TBC1D30: variants seen among roughly 807,000 people sequenced by gnomAD.
TBC1D30 encodes TBC1 domain family member 30.
In TBC1D30, 31 loss-of-function variants were observed where a neutral mutation model predicts 63.2. That is an observed-to-expected ratio of 0.49 (90% CI 0.37 to 0.66). TBC1D30 has a LOEUF of 0.66. TBC1D30 is among the 30% of genes least tolerant of loss of function. TBC1D30 has a pLI of 0.00. For missense variants in TBC1D30, 810 were observed against 953.6 expected, an observed-to-expected ratio of 0.85 and a Z score of 1.98; for synonymous variants, 307 against 361.5, an observed-to-expected ratio of 0.85 and a Z score of 1.71.
intron 3 of TBC1D30, 104 bp from the exon 4 acceptor site, chr12:64,830,273 A>T: frequency 2.6e-6 from 3 of 1,161,970 alleles, no homozygotes; most frequent in Non-Finnish European, 3.5e-6. Flanking sequence ...TAGCTGGTCT[A>T]GGGACACTTC....
At chr12:64,861,375 C>A (rs939607823) in intron 8 of TBC1D30, among the ~76,000 whole-genome samples, 6 of 152,070 alleles carry the variant, frequency 3.9e-5, no homozygotes, top group African/African-American at 7.2e-5. Context: ...CATTTCAGGC[C>A]ATTTTCTTTC....
chr12:64,822,028 A>G (rs1207628688), upstream of TBC1D30, among the ~76,000 whole-genome samples: 1 of 152,190 alleles, frequency 6.6e-6, no homozygotes, highest in Non-Finnish European at 1.5e-5. Flanking sequence ...CATTTTTAAT[A>G]GATTCTTTTA....
intron 1 of TBC1D30, chr12:64,781,313 G>T: frequency 9.2e-7 from 1 of 1,085,744 alleles, no homozygotes; most frequent in Non-Finnish European, 1.1e-6. Context: ...GCAGGGTCCC[G>T]GGGGCTTCCT....
chr12:64,767,980 C>T, intron 1 of TBC1D30, among the ~76,000 whole-genome samples: 1 of 152,092 alleles, frequency 6.6e-6, no homozygotes, highest in East Asian at 1.9e-4. Context: ...ATTCTGGGTG[C>T]AATACATTGT....
chr12:64,848,595 G>C (rs1289242876), intron 8 of TBC1D30, among the ~76,000 whole-genome samples: 2 of 152,136 alleles, frequency 1.3e-5, no homozygotes, highest in African/African-American at 2.4e-5. Flanking sequence ...CCCTGCAAAG[G>C]ACATGAACTC....
At position 64,806,882 on chromosome 12, in the gene TBC1D30, C is replaced by T. The variant is rs149524056; in HGVS notation, c.643+20837C>T. On this transcript the variant is annotated intron_variant, in intron 2 of 12. Transcript: ENST00000542120. Reference sequence around the variant, plus strand: ...GGAAGGAGACTGACACATGCTGTGACATGGATTAACCTTGAGAACACTATG... The same window carrying T: ...GGAAGGAGACTGACACATGCTGTGATATGGATTAACCTTGAGAACACTATG... 5.9e-4 allele frequency among the ~76,000 whole-genome samples: 90 copies of T among 152,334 alleles called. No individual in the cohort carries two copies. In the East Asian group the frequency reaches 0.015, roughly 26 times the overall value.
At chr12:64,862,592 A>G (rs1005137343) in intron 8 of TBC1D30, among the ~76,000 whole-genome samples, 3 of 152,136 alleles carry the variant, frequency 2.0e-5, no homozygotes, top group Non-Finnish European at 4.4e-5. Flanking sequence ...ACAAGGCTGG[A>G]TGAGGGAATT....
intron 6 of TBC1D30, among the ~76,000 whole-genome samples, chr12:64,838,107 A>G (rs985829284): frequency 6.6e-6 from 1 of 152,198 alleles, no homozygotes; most frequent in African/African-American, 2.4e-5. Flanking sequence ...AGAAATTTCA[A>G]AATTTGCTGG....
chr12:64,872,933 A>T (rs1185522879), intron 11 of TBC1D30, among the ~76,000 whole-genome samples: 1 of 152,170 alleles, frequency 6.6e-6, no homozygotes, highest in Non-Finnish European at 1.5e-5. Context: ...CCCATGATTC[A>T]ATTATCTCTT....
At chr12:64,781,513 C>T (rs1027401996) in intron 1 of TBC1D30, among the ~76,000 whole-genome samples, 15 of 152,130 alleles carry the variant, frequency 9.9e-5, no homozygotes, top group African/African-American at 1.9e-4. Flanking sequence ...TGGGCAGTTT[C>T]CCCGCTCTTC....
At chr12:64,816,792 C>CCCTCCCTT (rs948550605) in intron 2 of TBC1D30, among the ~76,000 whole-genome samples, 2 of 142,800 alleles carry the variant, frequency 1.4e-5, no homozygotes, top group African/African-American at 5.0e-5. Context: ...TTCCCTCCCT[C>CCCTCCCTT]CCTCCCTTCC....
intron 8 of TBC1D30, among the ~76,000 whole-genome samples, chr12:64,849,435 C>T (rs1395757823): frequency 6.6e-6 from 1 of 152,104 alleles, no homozygotes; most frequent in Non-Finnish European, 1.5e-5. Flanking sequence ...TTTAATCCAT[C>T]TTGAGTTAAT....
intron 11 of TBC1D30, among the ~76,000 whole-genome samples, chr12:64,874,741 G>A (rs1401413979): frequency 1.3e-5 from 2 of 151,582 alleles, no homozygotes; most frequent in Non-Finnish European, 2.9e-5. Context: ...GCTCTGATTA[G>A]GAATGAGGGG....
At chr12:64,812,225 A>G (rs1043826222) in intron 2 of TBC1D30, among the ~76,000 whole-genome samples, 8 of 152,182 alleles carry the variant, frequency 5.3e-5, no homozygotes, top group African/African-American at 1.9e-4. Context: ...AAATTACCCT[A>G]TTGATATATG....
intron 2 of TBC1D30, among the ~76,000 whole-genome samples, chr12:64,792,511 G>C (rs1448572478): frequency 1.3e-5 from 2 of 152,204 alleles, no homozygotes; most frequent in Non-Finnish European, 2.9e-5. Flanking sequence ...GGAAGTCAAA[G>C]GGCAAGGTTA....
At chr12:64,811,678 G>T (rs1287451788) in intron 2 of TBC1D30, among the ~76,000 whole-genome samples, 1 of 152,168 alleles carries the variant, frequency 6.6e-6, no homozygotes, top group Admixed American at 6.5e-5. Flanking sequence ...CCTTACCTGA[G>T]AACTTCACTT....
intron 1 of TBC1D30, chr12:64,785,847 A>G: frequency 7.8e-7 from 1 of 1,275,958 alleles, no homozygotes; most frequent in Non-Finnish European, 1.0e-6. Context: ...CTCTCAAGGT[A>G]TTAATCGTTA....
At chr12:64,844,748 C>T (rs560051867) in intron 8 of TBC1D30, among the ~76,000 whole-genome samples, 1 of 152,310 alleles carries the variant, frequency 6.6e-6, no homozygotes, top group East Asian at 1.9e-4. Context: ...TTTCAGCTCC[C>T]ACAATTAAGT....
intron 2 of TBC1D30, chr12:64,818,502 C>A: frequency 1.5e-6 from 1 of 655,664 alleles, no homozygotes; most frequent in Non-Finnish European, 1.9e-6. Flanking sequence ...TGCAGTGGCG[C>A]AATCCTGGCT....
Sources: allele counts gnomAD v4.1 joint callset (sites outside exome capture counted in the v4.1 genomes callset), GRCh38; gene constraint gnomAD v4.1.1; transcripts MANE v1.5; gene names NCBI Gene and HGNC (gene_info 2026-07-23, HGNC 2026-07-21).